The following MTA3 variants were observed in gnomAD, a reference collection of about 807,000 sequenced individuals.
The protein encoded by MTA3 is metastasis associated 1 family member 3, also known as metastasis-associated protein MTA3.
MTA3 carries 34 observed loss-of-function variants against 83.5 expected under a neutral mutation model. That is an observed-to-expected ratio of 0.41 (90% CI 0.31 to 0.54). The LOEUF (loss-of-function observed/expected upper bound fraction) is 0.54, where lower values mean the gene tolerates loss of function less well. Among genes scored for constraint, MTA3 ranks in the 20% least tolerant of loss-of-function variants. The probability of loss-of-function intolerance (pLI) is 0.33; values close to 1 mark genes in which losing one functional copy is unlikely to be tolerated. For missense variants in MTA3, 761 were observed against 726.4 expected, an observed-to-expected ratio of 1.05 and a Z score of -0.55; for synonymous variants, 303 against 252.7, an observed-to-expected ratio of 1.20 and a Z score of -1.89.
At chr2:42,544,361 G>A (rs922067184) in intron 2 of MTA3, among the ~76,000 whole-genome samples, 2 of 151,524 alleles carry the variant, frequency 1.3e-5, no homozygotes, top group African/African-American at 2.4e-5. Flanking sequence ...CAGGAGAATC[G>A]CTCGAACCCA....
rs887090363 is a variant in MTA3, at chr2:42,578,986, T to G, written c.97-121T>G. The G allele has an allele frequency of 4.0e-5, 24 of 601,166 alleles. No individual in the cohort carries two copies. The African/African-American group carries it at 4.6e-4, about 12-fold the overall frequency. The allele number at this position is 601,166 out of a possible 1,614,324, so 37.2% of individuals were successfully genotyped here. A position where few individuals can be genotyped will look rare whatever the true frequency, so the allele number is the denominator to read the frequency against. Reference sequence around the variant, plus strand: ...TTTTAGCTCTGTGGTTATCCTGCAGTTGTGGTTGGCACCAGTGTTAATGAG... The same window carrying G: ...TTTTAGCTCTGTGGTTATCCTGCAGGTGTGGTTGGCACCAGTGTTAATGAG... On this transcript the variant is annotated intron_variant, in intron 2 of 16. Coordinates refer to ENST00000405094, the MANE Select transcript of MTA3 (RefSeq NM_001330442.2).
At chr2:42,724,704 C>G (rs745316254) in intron 16 of MTA3, among the ~76,000 whole-genome samples, 2 of 152,152 alleles carry the variant, frequency 1.3e-5, no homozygotes, top group Admixed American at 6.5e-5. Flanking sequence ...CTGGTATCTT[C>G]TTTCACTCAC....
At chr2:42,512,370 C>T (rs1463784842) in intron 2 of MTA3, among the ~76,000 whole-genome samples, 1 of 152,114 alleles carries the variant, frequency 6.6e-6, no homozygotes, top group Non-Finnish European at 1.5e-5. Context: ...CTCCATGCTG[C>T]CATGTGGCCA....
chr2:42,666,580 A>G (rs1323365701), intron 8 of MTA3, among the ~76,000 whole-genome samples: 1 of 152,166 alleles, frequency 6.6e-6, no homozygotes, highest in African/African-American at 2.4e-5. Context: ...ACTCTGTTTA[A>G]AACCACATCT....
intron 9 of MTA3, among the ~76,000 whole-genome samples, chr2:42,683,224 G>A (rs1692084339): frequency 6.6e-6 from 1 of 152,208 alleles, no homozygotes; most frequent in Non-Finnish European, 1.5e-5. Context: ...TAAACAGTCT[G>A]ATCTCTGCTT....
At chr2:42,548,831 T>TATATATATA (rs1676896627) in intron 2 of MTA3, among the ~76,000 whole-genome samples, 1 of 8,536 alleles carries the variant, frequency 1.2e-4, no homozygotes, top group African/African-American at 4.0e-4. Flanking sequence ...ATATATATAA[T>TATATATATA]ATATATATAT....
At chr2:42,711,783 A>AGAGAGTGTGT (rs1553393294) in intron 14 of MTA3, among the ~76,000 whole-genome samples, 1 of 147,630 alleles carries the variant, frequency 6.8e-6, no homozygotes, top group African/African-American at 2.5e-5. Flanking sequence ...AGAGAGAGAG[A>AGAGAGTGTGT]GTGTGTGTGT....
chr2:42,613,147 A>T (rs1684429807), intron 4 of MTA3, among the ~76,000 whole-genome samples: 1 of 152,194 alleles, frequency 6.6e-6, no homozygotes, highest in Admixed American at 6.5e-5. Context: ...TGAACATAGA[A>T]ATTACATAGT....
chr2:42,585,039 C>T (rs185925203), intron 3 of MTA3, among the ~76,000 whole-genome samples: 2 of 151,224 alleles, frequency 1.3e-5, no homozygotes, highest in African/African-American at 4.9e-5. Flanking sequence ...TCAAGCAATT[C>T]TCCTGTCTCA....
chr2:42,629,140 T>G (rs890247600), intron 4 of MTA3, among the ~76,000 whole-genome samples: 6 of 152,106 alleles, frequency 3.9e-5, no homozygotes, highest in Non-Finnish European at 8.8e-5. Context: ...AGTGCAGTAA[T>G]GTGATCTCAG....
intron 4 of MTA3, among the ~76,000 whole-genome samples, chr2:42,629,068 A>G (rs6757976): frequency 0.2 from 30,095 of 151,868 alleles, 3,159 homozygotes; most frequent in South Asian, 0.35. Context: ...AAAGCAGTGG[A>G]TGATAGAGCA....
In MTA3 at chr2:42,753,987, T is replaced by A. The variant is rs146203650; in HGVS notation, c.*588T>A. 50 of 985,658 alleles carry A rather than the reference T, an allele frequency of 5.1e-5. No homozygotes were observed. The East Asian group carries it at 5.2e-3, about 103-fold the overall frequency. The allele number at this position is 985,658 out of a possible 1,614,324, so 61.1% of individuals were successfully genotyped here. On this transcript the variant is annotated 3_prime_UTR_variant, in exon 17 of 17. Transcript: ENST00000405094. ...ATGGGGGAATTTGCTGTTTACCCTC[T>A]GCATTCCTATATGTGACCCTCCCTC...
At chr2:42,674,914 T>C (rs1230757686) in intron 8 of MTA3, among the ~76,000 whole-genome samples, 1 of 151,408 alleles carries the variant, frequency 6.6e-6, no homozygotes, top group African/African-American at 2.4e-5. Context: ...TTTCTTTCTT[T>C]CTTTTTTTTT....
chr2:42,548,153 G>T (rs1273951174), intron 2 of MTA3, among the ~76,000 whole-genome samples: 4 of 152,124 alleles, frequency 2.6e-5, no homozygotes, highest in Non-Finnish European at 5.9e-5. Context: ...TGAGGTTTTA[G>T]TTAACCTGAG....
At chr2:42,741,647 G>A (rs1669036531) in intron 16 of MTA3, among the ~76,000 whole-genome samples, 1 of 152,132 alleles carries the variant, frequency 6.6e-6, no homozygotes, top group African/African-American at 2.4e-5. Context: ...CACTGGAGCA[G>A]TCAGAGGACA....
At chr2:42,513,361 G>A (rs143192886) in intron 2 of MTA3, among the ~76,000 whole-genome samples, 119 of 152,326 alleles carry the variant, frequency 7.8e-4, no homozygotes, top group Non-Finnish European at 1.5e-3. Context: ...GGGTAGGTCA[G>A]TCTTTTCAGT....
At chr2:42,683,125 G>T (rs965460101) in intron 9 of MTA3, among the ~76,000 whole-genome samples, 3 of 152,086 alleles carry the variant, frequency 2.0e-5, no homozygotes, top group African/African-American at 7.2e-5. Flanking sequence ...CTGTGTTTTT[G>T]GTGTAAACCT....
At chr2:42,535,450 C>T (rs1403008235) in intron 2 of MTA3, among the ~76,000 whole-genome samples, 2 of 151,854 alleles carry the variant, frequency 1.3e-5, no homozygotes, top group Non-Finnish European at 2.9e-5. Context: ...GGGATCTCAC[C>T]ATGTTGCACA....
chr2:42,699,149 G>A (rs185853898), intron 11 of MTA3, among the ~76,000 whole-genome samples: 36 of 152,288 alleles, frequency 2.4e-4, no homozygotes, highest in Non-Finnish European at 4.6e-4. Context: ...ACAAACTATA[G>A]TCGCAAGCCA....
Sources: gnomAD v4.1 joint callset for allele counts (sites outside exome capture counted in the v4.1 genomes callset) on GRCh38, gnomAD v4.1.1 for gene constraint, MANE v1.5 for transcripts, NCBI Gene and HGNC (gene_info 2026-07-23, HGNC 2026-07-21) for gene names.